The following ERBB4 variants were observed in gnomAD, a reference collection of about 807,000 sequenced individuals.
ERBB4 encodes receptor tyrosine-protein kinase erbB-4.
A neutral mutation model predicts 158.0 loss-of-function variants in ERBB4; 42 were observed. The observed-to-expected ratio is 0.27, with a 90% CI of 0.21 to 0.34. The LOEUF (loss-of-function observed/expected upper bound fraction) is 0.34, where lower values mean the gene tolerates loss of function less well. Ranked by LOEUF, ERBB4 falls within the 10% of genes least tolerant of loss-of-function variation. The pLI, the probability that ERBB4 is intolerant of heterozygous loss-of-function variation, is 1.00. For synonymous variants in ERBB4, 583 were observed against 558.7 expected, an observed-to-expected ratio of 1.04 and a Z score of -0.61; for missense variants, 1,333 against 1,624.1, an observed-to-expected ratio of 0.82 and a Z score of 3.08.
At chr2:212,011,407 CAG>C (rs780269328) in intron 2 of ERBB4, among the ~76,000 whole-genome samples, 4 of 152,068 alleles carry the variant, frequency 2.6e-5, no homozygotes, top group Non-Finnish European at 5.9e-5. Context: ...TCCATTATCA[CAG>C]AAAGTTCTAT....
intron 12 of ERBB4, 117 bp from the exon 13 acceptor site, chr2:211,679,301 C>A (rs929694958): frequency 1.8e-6 from 2 of 1,100,564 alleles, no homozygotes; most frequent in Non-Finnish European, 2.7e-6. Flanking sequence ...TGGCAAATGA[C>A]TTTGGTGGCC....
intron 1 of ERBB4, among the ~76,000 whole-genome samples, chr2:212,500,404 C>A (rs1690822237): frequency 6.6e-6 from 1 of 152,108 alleles, no homozygotes; most frequent in African/African-American, 2.4e-5. Flanking sequence ...ATGCCCTACT[C>A]TCATACTGTA....
chr2:212,084,050 T>C (rs1442039215), intron 2 of ERBB4, among the ~76,000 whole-genome samples: 1 of 151,748 alleles, frequency 6.6e-6, no homozygotes, highest in Non-Finnish European at 1.5e-5. Flanking sequence ...CAAAAGATAA[T>C]CATGAAGGTA....
chr2:211,565,482 GT>G (rs1329907483), intron 19 of ERBB4, among the ~76,000 whole-genome samples: 1 of 152,204 alleles, frequency 6.6e-6, no homozygotes, highest in Non-Finnish European at 1.5e-5. Context: ...AGATTTGAAA[GT>G]GATTGATTTG....
intron 1 of ERBB4, among the ~76,000 whole-genome samples, chr2:212,135,784 G>C (rs2080252813): frequency 6.6e-6 from 1 of 152,106 alleles, no homozygotes; most frequent in African/African-American, 2.4e-5. Flanking sequence ...GAAAGTGCTA[G>C]GTCCTTAACT....
intron 1 of ERBB4, among the ~76,000 whole-genome samples, chr2:212,244,954 A>G (rs942057995): frequency 1.3e-5 from 2 of 152,278 alleles, no homozygotes; most frequent in Admixed American, 1.3e-4. Flanking sequence ...AAGTTGGGTT[A>G]CTATCATCTC....
At chr2:212,375,691 A>C (rs2090295537) in intron 1 of ERBB4, among the ~76,000 whole-genome samples, 2 of 152,140 alleles carry the variant, frequency 1.3e-5, no homozygotes, top group South Asian at 4.1e-4. Flanking sequence ...TTTTGTACCA[A>C]AATAAACTCA....
chr2:212,286,837 C>T (rs1003677502), intron 1 of ERBB4, among the ~76,000 whole-genome samples: 2 of 132,442 alleles, frequency 1.5e-5, no homozygotes, highest in African/African-American at 5.5e-5. Context: ...TCCCCAACTT[C>T]TGAACTCAAG....
intron 23 of ERBB4, among the ~76,000 whole-genome samples, chr2:211,422,900 T>C (rs534720035): frequency 6.6e-6 from 1 of 152,008 alleles, no homozygotes; most frequent in African/African-American, 2.4e-5. Flanking sequence ...TTTTAAACTT[T>C]CTTCCATAGA....
chr2:212,106,715 G>A (rs573097301), intron 2 of ERBB4, among the ~76,000 whole-genome samples: 11 of 152,306 alleles, frequency 7.2e-5, no homozygotes, highest in Non-Finnish European at 7.4e-5. Context: ...GCCTAGGAGG[G>A]AAAAATGGTT....
chr2:212,509,081 G>A (rs1051199944), intron 1 of ERBB4, among the ~76,000 whole-genome samples: 36 of 151,992 alleles, frequency 2.4e-4, no homozygotes, highest in African/African-American at 7.0e-4. Context: ...TCTCTTTCCA[G>A]AATATTCCCA....
chr2:212,151,179 A>C (rs1355498508), intron 1 of ERBB4, among the ~76,000 whole-genome samples: 1 of 151,942 alleles, frequency 6.6e-6, no homozygotes, highest in African/African-American at 2.4e-5. Flanking sequence ...ATAGGTTAAG[A>C]GTATAAAACA....
intron 1 of ERBB4, among the ~76,000 whole-genome samples, chr2:212,341,400 G>T (rs529547168): frequency 6.6e-6 from 1 of 151,906 alleles, no homozygotes; most frequent in African/African-American, 2.4e-5. Flanking sequence ...CATAGGTATA[G>T]CCCCTACAGT....
intron 2 of ERBB4, among the ~76,000 whole-genome samples, chr2:212,023,640 T>G (rs1220924231): frequency 6.6e-6 from 1 of 151,858 alleles, no homozygotes; most frequent in Non-Finnish European, 1.5e-5. Flanking sequence ...CATGCAAAAA[T>G]TTACTGAGAT....
At chr2:212,021,792 T>C (rs1330543592) in intron 2 of ERBB4, among the ~76,000 whole-genome samples, 1 of 151,280 alleles carries the variant, frequency 6.6e-6, no homozygotes, top group Non-Finnish European at 1.5e-5. Flanking sequence ...GACAACAAAA[T>C]GGGAGAAAAT....
At chr2:212,499,105 C>T (rs534654506) in intron 1 of ERBB4, among the ~76,000 whole-genome samples, 1 of 151,914 alleles carries the variant, frequency 6.6e-6, no homozygotes, top group East Asian at 1.9e-4. Flanking sequence ...AGATTATATT[C>T]ATAAAATGAA....
intron 1 of ERBB4, among the ~76,000 whole-genome samples, chr2:212,295,496 G>T (rs529671932): frequency 3.3e-5 from 5 of 152,148 alleles, no homozygotes; most frequent in African/African-American, 1.2e-4. Context: ...GTATGCATAT[G>T]CACTTACTCT....
chr2:212,140,379 G>A (rs1575691349), intron 1 of ERBB4, among the ~76,000 whole-genome samples: 1 of 120,242 alleles, frequency 8.3e-6, no homozygotes, highest in African/African-American at 4.8e-5. Flanking sequence ...ATATCTATAT[G>A]TTTATGTATC....
intron 3 of ERBB4, among the ~76,000 whole-genome samples, chr2:211,842,934 G>C (rs1266846974): frequency 1.3e-5 from 2 of 152,054 alleles, no homozygotes; most frequent in Non-Finnish European, 2.9e-5. Flanking sequence ...ATAGCTACAT[G>C]ATCCTGGACA....
Sources: allele counts gnomAD v4.1 joint callset (sites outside exome capture counted in the v4.1 genomes callset), GRCh38; gene constraint gnomAD v4.1.1; transcripts MANE v1.5; gene names NCBI Gene and HGNC (gene_info 2026-07-23, HGNC 2026-07-21).